The following CCDC187 variants were observed in gnomAD, a reference collection of about 807,000 sequenced individuals.
CCDC187 encodes the protein coiled-coil domain containing 187.
CCDC187 carries 32 observed loss-of-function variants against 38.0 expected under a neutral mutation model. The observed-to-expected ratio is 0.84, with a 90% CI of 0.64 to 1.13. The LOEUF (loss-of-function observed/expected upper bound fraction) is 1.13. Among genes scored for constraint, CCDC187 ranks in the 50% most tolerant of loss-of-function variants. The pLI is 0.00. For missense variants in CCDC187, 707 were observed against 786.8 expected, an observed-to-expected ratio of 0.90 and a Z score of 1.21; for synonymous variants, 333 against 347.9, an observed-to-expected ratio of 0.96 and a Z score of 0.48.
intron 4 of CCDC187, among the ~76,000 whole-genome samples, chr9:136,293,145 TCA>T (rs1831379338): frequency 7.0e-6 from 1 of 142,088 alleles, no homozygotes; most frequent in Non-Finnish European, 1.5e-5. Flanking sequence ...GCTCACACAC[TCA>T]CAAACACATG....
upstream of CCDC187, among the ~76,000 whole-genome samples, chr9:136,305,003 C>T (rs946450185): frequency 8.0e-4 from 122 of 152,344 alleles, 1 homozygote; most frequent in South Asian, 0.024. Context: ...CAAGCCCAGC[C>T]CCACATAGGC....
At chr9:136,305,046 G>A (rs1831778470), upstream of CCDC187, among the ~76,000 whole-genome samples, 2 of 152,308 alleles carry the variant, frequency 1.3e-5, no homozygotes, top group South Asian at 4.1e-4. Context: ...AGCCAAACGG[G>A]GCCCTGGCTG....
intron 14 of CCDC187, among the ~76,000 whole-genome samples, chr9:136,268,625 A>G (rs1186007017): frequency 6.6e-6 from 1 of 152,214 alleles, no homozygotes; most frequent in East Asian, 1.9e-4. Context: ...CACCAAAGAC[A>G]GAGCAAAAGG....
intron 7 of CCDC187, among the ~76,000 whole-genome samples, chr9:136,288,838 G>A (rs924094147): frequency 4.6e-5 from 7 of 152,248 alleles, no homozygotes; most frequent in Non-Finnish European, 7.3e-5. Context: ...CCCTCACGCC[G>A]GCCGGGGGAT....
intron 14 of CCDC187, 97 bp from the exon 15 acceptor site, chr9:136,268,222 C>T: frequency 1.3e-6 from 1 of 799,864 alleles, no homozygotes; most frequent in Non-Finnish European, 1.5e-6. Context: ...AGTAGGAGGT[C>T]TAGGGCAGTT....
intron 14 of CCDC187, among the ~76,000 whole-genome samples, chr9:136,270,143 A>C (rs1830815775): frequency 6.6e-6 from 1 of 152,380 alleles, no homozygotes; most frequent in Non-Finnish European, 1.5e-5. Context: ...CTCCAGCCCT[A>C]CGGGGCTTAG....
Position 136,256,861 on chromosome 9 carries a change from T to G in CCDC187, c.4367-20A>C, listed in dbSNP as rs1427487734. 1 of 152,428 alleles carries G rather than the reference T, an allele frequency of 6.6e-6. No homozygotes were observed. Among genetic ancestry groups the G allele is most frequent in the Non-Finnish European group, 1.5e-5 (1 of 68,194 alleles). The allele number at this position is 152,428 out of a possible 1,614,324, so 9.4% of individuals were successfully genotyped here. A position where few individuals can be genotyped will look rare whatever the true frequency, so the allele number is the denominator to read the frequency against. ...GGTCTCCTGGAGGGCAAAGGGACTG[T>G]CAGCACTGGTGGGGACAGAGGCAGG... On this transcript the variant is annotated intron_variant, in intron 22 of 25. Coordinates refer to ENST00000638797, the MANE Select transcript of CCDC187 (RefSeq NM_001378188.1).
At chr9:136,255,473 C>T (rs1216209482) in intron 25 of CCDC187, among the ~76,000 whole-genome samples, 184 bp downstream of exon 25, 2 of 152,218 alleles carry the variant, frequency 1.3e-5, no homozygotes, top group Non-Finnish European at 1.5e-5. Context: ...GATCCCTGAC[C>T]GTCACTCACC....
chr9:136,258,754 C>A lies in CCDC187; in HGVS notation c.4366+178G>T. ...GCGTCACCTCCGGTAGGAGATGGAG[C>A]CGGCCACTCTTCTTGCAGTGAAGGG... On this transcript the variant is annotated intron_variant, in intron 22 of 25. Transcript: ENST00000638797. This position sits in a 1 kb window ranked among gnomAD's most constrained non-coding sequence, Gnocchi z 4.3. The A allele has an allele frequency of 1.0e-6, 1 of 985,444 alleles. No homozygotes were observed. The highest frequency in any genetic ancestry group is 1.2e-6 in the Non-Finnish European group (1 of 829,918). The allele number at this position is 985,444 out of a possible 1,614,324, so 61.0% of individuals were successfully genotyped here.
intron 9 of CCDC187, among the ~76,000 whole-genome samples, chr9:136,283,712 C>A (rs928035987): frequency 2.0e-5 from 3 of 152,232 alleles, no homozygotes; most frequent in Non-Finnish European, 4.4e-5. Context: ...GTGCCAGGAA[C>A]GCTGAGACCT....
At position 136,267,387 on chromosome 9, in the gene CCDC187, C is replaced by A; in HGVS notation, c.3644G>T (p.Arg1215Leu). ...LAELAWLEHRRGCLDSKRDRA... is the reference protein window; with the variant it reads ...LAELAWLEHRLGCLDSKRDRA... The stretch of plus-strand genomic sequence containing the variant: ...GGCGCCAGGCGCATGCGCTCACCCT[C>A]GTCGATGCTCCAGCCAGGCCAGCTC... The change falls in exon 16 of 26, where the codon CGA becomes CTA. Residue 1215 changes from arginine (R) to leucine (L), a missense_variant. Arg to Leu is a moderately radical substitution (Grantham distance 102). Coordinates refer to ENST00000638797, the MANE Select transcript of CCDC187 (RefSeq NM_001378188.1). The A allele has an allele frequency of 1.0e-6, 1 of 985,606 alleles. No homozygotes were observed. The highest frequency in any genetic ancestry group is 1.2e-6 in the Non-Finnish European group (1 of 830,066). 61.1% of individuals were successfully genotyped at this position (985,606 alleles called of 1,614,324 possible).
rs1554760543 is a variant in CCDC187 at position 136,258,209 on chromosome 9, C to T, written c.4366+723G>A. Among the ~76,000 whole-genome samples the T allele has an allele frequency of 6.6e-6, 1 of 152,226 alleles. No homozygotes were observed. Among genetic ancestry groups the T allele is most frequent in the African/African-American group, 2.4e-5 (1 of 41,466 alleles). ...CCTCTCCAGGGAGCCCCACCAGCCA[C>T]GCTCTCCTGGGCAGCCCCACAAGTG... On this transcript the variant is annotated intron_variant, in intron 22 of 25. Coordinates refer to ENST00000638797, the MANE Select transcript of CCDC187 (RefSeq NM_001378188.1). This position sits in a 1 kb window ranked among gnomAD's most constrained non-coding sequence, Gnocchi z 4.3.
At chr9:136,279,740 C>T (rs1831003181) in intron 10 of CCDC187, among the ~76,000 whole-genome samples, 1 of 152,248 alleles carries the variant, frequency 6.6e-6, no homozygotes, top group South Asian at 2.1e-4. Context: ...AGAAAAGGTG[C>T]TGCTATGGTT....
At position 136,254,959 on chromosome 9, in the gene CCDC187, G is replaced by C. The variant is rs1441286311; in HGVS notation, c.4869C>G (p.Ser1623Arg). The C allele has an allele frequency of 2.0e-6, 2 of 985,506 alleles. No individual in the cohort carries two copies. Among genetic ancestry groups the C allele is most frequent in the Non-Finnish European group, 1.2e-6 (1 of 829,952 alleles). The allele number at this position is 985,506 out of a possible 1,614,324, so 61.0% of individuals were successfully genotyped here. ...SHTSPAGSVS[S>R]LSCPSLWEFQ... ...ACTCCCAGAGAGAGGGACAGGACAG[G>C]CTGCTCACAGAGCCTGCTGGGGAGG... The change falls in exon 26 of 26, where the codon AGC becomes AGG. Residue 1623 changes from serine (S) to arginine (R), a missense_variant. Ser to Arg is a moderately radical substitution (Grantham distance 110, BLOSUM62 -1). Transcript: ENST00000638797.
chr9:136,265,928 T>C (rs1282655905), intron 17 of CCDC187, 28 bp downstream of exon 17: 7 of 978,170 alleles, frequency 7.2e-6, no homozygotes, highest in Non-Finnish European at 8.5e-6. Flanking sequence ...CCGCCCACCC[T>C]GACCCACCAG....
At chr9:136,284,689 T>G (rs1588664273) in intron 9 of CCDC187, among the ~76,000 whole-genome samples, 1 of 145,936 alleles carries the variant, frequency 6.9e-6, no homozygotes, top group African/African-American at 2.6e-5. Context: ...GCTGGGCAGG[T>G]GGTGGGCTCG....
rs1029716152 is a variant in CCDC187, at chr9:136,279,434, G to A, written c.3040+2117C>T. Among the ~76,000 whole-genome samples the A allele has an allele frequency of 7.5e-3, 1,142 of 152,312 alleles. 17 individuals are homozygous for A. The highest frequency in any genetic ancestry group is 0.026 in the African/African-American group (1,064 of 41,554). ...TCCCCCTGGGGCTACTGCACATTCC[G>A]CCCATAGGATGGTGAATGAGGTATA... On this transcript the variant is annotated intron_variant, in intron 10 of 25. Coordinates refer to ENST00000638797, the MANE Select transcript of CCDC187 (RefSeq NM_001378188.1).
chr9:136,262,348 G>A lies in CCDC187; in HGVS notation c.4027C>T (p.Arg1343Cys), dbSNP rs1461731361. 5.1e-6 allele frequency: 5 copies of A among 986,908 alleles called. No homozygotes were observed. The highest frequency in any genetic ancestry group is 1.1e-4 in the East Asian group (1 of 8,854). The allele number at this position is 986,908 out of a possible 1,614,324, so 61.1% of individuals were successfully genotyped here. A position where few individuals can be genotyped will look rare whatever the true frequency, so the allele number is the denominator to read the frequency against. ...GAGCTTGCGGGGCTGCTCTGGGGGC[G>A]ATGGCTGGTGGAGCTGCTGGGCCTG... is the stretch of plus-strand genomic sequence containing the variant. ...PCRPSSSTSHRPQSSPASSKA... is the reference protein window; with the variant it reads ...PCRPSSSTSHCPQSSPASSKA... The change falls in exon 19 of 26, where the codon CGC becomes TGC. Residue 1343 changes from arginine (R) to cysteine (C), a missense_variant. Physicochemically the swap from Arg to Cys is radical, Grantham distance 180. Transcript: ENST00000638797.
At chr9:136,255,837 A>G in intron 24 of CCDC187, 104 bp from the exon 25 acceptor site, 1 of 488,522 alleles carries the variant, frequency 2.0e-6, no homozygotes, top group Non-Finnish European at 2.7e-6. Flanking sequence ...CACAGCTCAC[A>G]CTCGAAAAAC....
Sources: allele counts gnomAD v4.1 joint callset (sites outside exome capture counted in the v4.1 genomes callset), GRCh38; gene constraint gnomAD v4.1.1; non-coding constraint Gnocchi (gnomAD v3.1); transcripts MANE v1.5; gene names NCBI Gene and HGNC (gene_info 2026-07-23, HGNC 2026-07-21).